Variants in BLK observed in about 807,000 individuals in gnomAD.
The protein encoded by BLK is BLK proto-oncogene, Src family tyrosine kinase.
Under a neutral mutation model 61.8 loss-of-function variants are expected in BLK, and 64 were observed. The observed-to-expected ratio is 1.03, with a 90% CI of 0.85 to 1.27. The LOEUF is 1.27. BLK is among the 50% of genes most tolerant of loss of function. The pLI, the probability that BLK is intolerant of heterozygous loss-of-function variation, is 0.00. For missense variants in BLK, 853 were observed against 660.5 expected, an observed-to-expected ratio of 1.29 and a Z score of -3.19; for synonymous variants, 351 against 272.0, an observed-to-expected ratio of 1.29 and a Z score of -2.86.
intron 9 of BLK, among the ~76,000 whole-genome samples, chr8:11,557,704 G>T (rs1801299693): frequency 1.3e-5 from 2 of 152,142 alleles, no homozygotes; most frequent in African/African-American, 4.8e-5. Flanking sequence ...CTTCAGACAG[G>T]TCCCTGCACC....
chr8:11,531,620 T>C (rs1199593561), intron 1 of BLK, among the ~76,000 whole-genome samples: 2 of 152,248 alleles, frequency 1.3e-5, no homozygotes, highest in African/African-American at 4.8e-5. Context: ...CTATAGCTTC[T>C]ATCAAATTTG....
intron 1 of BLK, among the ~76,000 whole-genome samples, chr8:11,530,204 T>C (rs1156712757): frequency 6.6e-6 from 1 of 152,226 alleles, no homozygotes; most frequent in Non-Finnish European, 1.5e-5. Flanking sequence ...AGATTAGACC[T>C]TTTAAAAGTC....
chr8:11,547,262 C>T (rs1366683692), intron 3 of BLK, among the ~76,000 whole-genome samples: 1 of 152,256 alleles, frequency 6.6e-6, no homozygotes, highest in African/African-American at 2.4e-5. Flanking sequence ...CTGACCCTCG[C>T]TTTCCTGCTG....
intron 1 of BLK, among the ~76,000 whole-genome samples, chr8:11,524,833 G>A (rs191714774): frequency 2.0e-5 from 3 of 150,616 alleles, no homozygotes; most frequent in East Asian, 3.9e-4. Context: ...AACAGGGAAC[G>A]ACAGGAAAAA....
chr8:11,518,296 A>G (rs1799306509), intron 1 of BLK, among the ~76,000 whole-genome samples: 2 of 152,216 alleles, frequency 1.3e-5, no homozygotes, highest in African/African-American at 2.4e-5. Context: ...GTTAGAGCTT[A>G]GGCTTCCCAG....
Position 11,560,043 on chromosome 8 carries a change from A to G in BLK, c.1030-1259A>G, listed in dbSNP as rs1023792030. 2.9e-5 allele frequency: 10 copies of G among 342,986 alleles called. No homozygotes were observed. The Admixed American group carries it at 4.2e-4, about 14-fold the overall frequency. The allele number at this position is 342,986 out of a possible 1,614,324, so 21.2% of individuals were successfully genotyped here. A position where few individuals can be genotyped will look rare whatever the true frequency, so the allele number is the denominator to read the frequency against. Reference sequence around the variant, plus strand: ...TAGATGCTGCCCAGATATATTTAGTACTCAGTTTTATATTCCCCACAGTCC... The same window carrying G: ...TAGATGCTGCCCAGATATATTTAGTGCTCAGTTTTATATTCCCCACAGTCC... On this transcript the variant is annotated intron_variant, in intron 10 of 12. Transcript: ENST00000259089.
At chr8:11,504,657 T>C (rs898406697) in intron 1 of BLK, among the ~76,000 whole-genome samples, 2 of 152,240 alleles carry the variant, frequency 1.3e-5, no homozygotes, top group Non-Finnish European at 1.5e-5. Flanking sequence ...ACATGGAGCA[T>C]GTGCTCAAAA....
chr8:11,523,116 T>C (rs778433816), intron 1 of BLK, among the ~76,000 whole-genome samples: 3 of 152,236 alleles, frequency 2.0e-5, no homozygotes. Flanking sequence ...TAAATAGTTG[T>C]ATATTTCTAT....
At position 11,550,268 on chromosome 8, in the gene BLK, C is replaced by G. The variant is rs746568651; in HGVS notation, c.472+6C>G. On this transcript the variant is annotated splice_donor_region_variant and intron_variant, in intron 6 of 12. Transcript: ENST00000259089. ...AGAGAGTGAAACCAACAAAGGTAGG[C>G]TTGGTGGCTTTGCCTGCCTTCCTTG... 1 of 1,613,350 alleles carries G rather than the reference C, an allele frequency of 6.2e-7. No homozygotes were observed. The highest frequency in any genetic ancestry group is 8.5e-7 in the Non-Finnish European group (1 of 1,179,770).
intron 1 of BLK, among the ~76,000 whole-genome samples, chr8:11,516,546 A>T (rs1435389553): frequency 6.6e-6 from 1 of 152,100 alleles, no homozygotes; most frequent in Admixed American, 6.5e-5. Context: ...CCATTTTTCC[A>T]TGAACGATAT....
intron 1 of BLK, among the ~76,000 whole-genome samples, chr8:11,515,714 C>T (rs539582232): frequency 6.6e-6 from 1 of 152,132 alleles, no homozygotes; most frequent in South Asian, 2.1e-4. Context: ...CAATTTTCCC[C>T]GCCACTGTAG....
intron 1 of BLK, among the ~76,000 whole-genome samples, chr8:11,534,736 G>T (rs1361747656): frequency 6.6e-6 from 1 of 152,198 alleles, no homozygotes; most frequent in African/African-American, 2.4e-5. Context: ...AAAAGTCACA[G>T]GTTGGCATTG....
intron 1 of BLK, among the ~76,000 whole-genome samples, chr8:11,522,225 T>A (rs1380737436): frequency 6.6e-6 from 1 of 152,172 alleles, no homozygotes; most frequent in African/African-American, 2.4e-5. Context: ...GGTCAAAATA[T>A]ATGAATAGGC....
chr8:11,540,021 T>G (rs1375430166), intron 1 of BLK, among the ~76,000 whole-genome samples: 2 of 152,180 alleles, frequency 1.3e-5, no homozygotes, highest in African/African-American at 4.8e-5. Context: ...TAGTTTCTTA[T>G]ACCATCTAAT....
intron 1 of BLK, among the ~76,000 whole-genome samples, chr8:11,542,662 A>G (rs1373307587): frequency 6.6e-6 from 1 of 152,202 alleles, no homozygotes; most frequent in Non-Finnish European, 1.5e-5. Context: ...GACCCCTGAT[A>G]TTACTGTGAG....
chr8:11,534,572 G>C (rs909714998), intron 1 of BLK, among the ~76,000 whole-genome samples: 2 of 152,166 alleles, frequency 1.3e-5, no homozygotes, highest in Non-Finnish European at 2.9e-5. Flanking sequence ...CCTTCCTGAA[G>C]GTCTGCTCAG....
intron 1 of BLK, among the ~76,000 whole-genome samples, chr8:11,518,148 C>T (rs571715242): frequency 7.9e-5 from 12 of 152,214 alleles, no homozygotes; most frequent in African/African-American, 2.9e-4. Flanking sequence ...GCCCAGTTCT[C>T]CTGGGCCCCA....
chr8:11,525,908 C>G (rs1585357115), intron 1 of BLK, among the ~76,000 whole-genome samples: 1 of 152,242 alleles, frequency 6.6e-6, no homozygotes, highest in South Asian at 2.1e-4. Context: ...CCATGTCCGG[C>G]TGATTTTTGT....
At chr8:11,517,305 A>G (rs545627866) in intron 1 of BLK, among the ~76,000 whole-genome samples, 1 of 152,354 alleles carries the variant, frequency 6.6e-6, no homozygotes, top group Admixed American at 6.5e-5. Flanking sequence ...TACGAGAGAA[A>G]GAGCATGAGG....
Sources: gnomAD v4.1 joint callset for allele counts (sites outside exome capture counted in the v4.1 genomes callset) on GRCh38, gnomAD v4.1.1 for gene constraint, MANE v1.5 for transcripts, NCBI Gene and HGNC (gene_info 2026-07-23, HGNC 2026-07-21) for gene names.